The following BTBD2 variants were observed in gnomAD, a reference collection of about 807,000 sequenced individuals.
BTBD2 encodes the protein BTB/POZ domain-containing protein 2.
BTBD2 carries 15 observed loss-of-function variants against 44.0 expected under a neutral mutation model. The ratio of observed to expected loss-of-function variants is 0.34; its 90% CI spans 0.23 to 0.53. BTBD2 has a LOEUF of 0.53. BTBD2 is among the 20% of genes least tolerant of loss of function. The pLI is 0.95. For synonymous variants in BTBD2, 443 were observed against 335.9 expected, an observed-to-expected ratio of 1.32 and a Z score of -3.49; for missense variants, 657 against 746.4, an observed-to-expected ratio of 0.88 and a Z score of 1.39.
intron 2 of BTBD2, among the ~76,000 whole-genome samples, chr19:1,997,123 T>C (rs141762652): frequency 7.9e-4 from 120 of 151,602 alleles, no homozygotes; most frequent in African/African-American, 2.7e-3. Context: ...GAGGTTGCAG[T>C]GAGCCAAGAT....
At chr19:2,001,923 T>C (rs1324704929) in intron 1 of BTBD2, among the ~76,000 whole-genome samples, 10 of 148,078 alleles carry the variant, frequency 6.8e-5, no homozygotes, top group Non-Finnish European at 1.2e-4. Flanking sequence ...ATTTTTTTAG[T>C]AGAGATGGGG....
At chr19:1,990,668 CCGCCG>C in intron 4 of BTBD2, 44 bp downstream of exon 4, 2 of 1,446,602 alleles carry the variant, frequency 1.4e-6, no homozygotes, top group Non-Finnish European at 1.9e-6. Flanking sequence ...CCGGACCCTC[CCGCCG>C]AGGCCCCGCT....
chr19:1,992,937 G>A (rs1323722443), intron 3 of BTBD2, 83 bp downstream of exon 3: 5 of 140,550 alleles, frequency 3.6e-5, no homozygotes, highest in South Asian at 1.6e-4. Context: ...CCCCGCCTCC[G>A]CCTCCAGCCT....
intron 1 of BTBD2, among the ~76,000 whole-genome samples, chr19:1,999,943 C>CA (rs1361006463): frequency 7.9e-6 from 1 of 126,314 alleles, no homozygotes; most frequent in East Asian, 2.2e-4. Context: ...GCTTGGGTGA[C>CA]AGAGCAAGAC....
intron 3 of BTBD2, chr19:1,991,172 G>T (rs905905701): frequency 1.2e-4 from 27 of 222,426 alleles, no homozygotes; most frequent in African/African-American, 6.3e-4. Flanking sequence ...CCGAGTGGCA[G>T]GCAGAGGTGA....
rs554590328 is a variant in BTBD2, at chr19:2,010,012, T to C, written c.407+5285A>G. ...CTACTAAAAAATACAATTAGCCAAG[T>C]GTGGTGGCGGGTGCCTGTAGTCCCA... On this transcript the variant is annotated intron_variant, in intron 1 of 8. Coordinates refer to ENST00000255608, the MANE Select transcript of BTBD2 (RefSeq NM_017797.4). Among the ~76,000 whole-genome samples, 635 of 150,612 alleles carry C rather than the reference T, an allele frequency of 4.2e-3. 4 individuals are homozygous for C. Among genetic ancestry groups the C allele is most frequent in the African/African-American group, 0.015 (599 of 40,798 alleles).
rs575265426 is a variant in BTBD2, at chr19:2,007,451, G to A, written c.407+7846C>T. On this transcript the variant is annotated intron_variant, in intron 1 of 8. Transcript: ENST00000255608. Reference sequence around the variant, plus strand: ...CCTTCACATGAATTTGCTGGCACCTGTGTCTTTTATCTGTTTTGGTTTTGT... The same window carrying A: ...CCTTCACATGAATTTGCTGGCACCTATGTCTTTTATCTGTTTTGGTTTTGT... Among the ~76,000 whole-genome samples, 127 of 152,286 alleles carry A rather than the reference G, an allele frequency of 8.3e-4. 1 individual carries two copies. Among genetic ancestry groups the A allele is most frequent in the South Asian group, 3.1e-3 (15 of 4,834 alleles).
rs1390982604 is a variant in BTBD2 at position 1,986,516 on chromosome 19, T to C, written c.1550A>G (p.Gln517Arg). 1 of 1,613,930 alleles carries C rather than the reference T, an allele frequency of 6.2e-7. No individual in the cohort carries two copies. The highest frequency in any genetic ancestry group is 1.7e-5 in the Admixed American group (1 of 60,010). ...GGTGTAGAAGATGACCTCGGGGATC[T>C]GGCCGTCCTCCACGGATGTGCCATT... is the stretch of plus-strand genomic sequence containing the variant. ...NNNGTSVEDG[Q>R]IPEVIFYT is the part of the protein sequence containing the mutation. The change falls in exon 9 of 9, where the codon CAG becomes CGG. Residue 517 changes from glutamine to arginine, a missense_variant. By Grantham distance (43) the Gln-to-Arg change is conservative (BLOSUM62 1). Coordinates refer to ENST00000255608, the MANE Select transcript of BTBD2 (RefSeq NM_017797.4).
Position 1,985,511 on chromosome 19 carries a change from C to G in BTBD2, c.*977G>C, listed in dbSNP as rs1334609474. The G allele has an allele frequency of 6.6e-6, 1 of 152,616 alleles. No individual in the cohort carries two copies. Among genetic ancestry groups the G allele is most frequent in the Admixed American group, 6.5e-5 (1 of 15,298 alleles). The allele number at this position is 152,616 out of a possible 1,614,324, so 9.5% of individuals were successfully genotyped here. On this transcript the variant is annotated 3_prime_UTR_variant, in exon 9 of 9. Transcript: ENST00000255608. ...GGGGCATGGTCTGAGGAGGACACCC[C>G]TCCCATGGCTTTGGGGAGGACGCAG...
At chr19:1,995,638 C>T (rs1208369255) in intron 2 of BTBD2, among the ~76,000 whole-genome samples, 2 of 134,780 alleles carry the variant, frequency 1.5e-5, no homozygotes, top group Non-Finnish European at 3.1e-5. Flanking sequence ...GGACTTTGAT[C>T]TATTTTTTTT....
At chr19:2,011,250 G>T (rs1296982531) in intron 1 of BTBD2, among the ~76,000 whole-genome samples, 1 of 151,902 alleles carries the variant, frequency 6.6e-6, no homozygotes, top group African/African-American at 2.4e-5. Context: ...CTGGCCACAG[G>T]AACTCGCTTC....
chr19:1,990,198 G>T lies in BTBD2; in HGVS notation c.794C>A (p.Thr265Lys). The T allele has an allele frequency of 6.3e-7, 1 of 1,594,556 alleles. No individual in the cohort carries two copies. ...GTCGCGCTCCAGGACAGCCACCAGC[G>T]TGTCTGTGGGGTGGAGGAAGGGGCT... ...AEGFTDIDLD[T>K]LVAVLERDTL... Residue 265 changes from threonine to lysine, a missense_variant, in exon 5 of 9, where the codon ACG (threonine) becomes AAG (lysine). Thr to Lys is a moderately conservative substitution (Grantham distance 78). This residue lies in a region of BTBD2 where 449 missense variants were observed against 510.9 expected (regional missense o/e 0.88). Coordinates refer to ENST00000255608, the MANE Select transcript of BTBD2 (RefSeq NM_017797.4).
At chr19:2,015,206 C>T in intron 1 of BTBD2, 91 bp downstream of exon 1, 6 of 1,273,460 alleles carry the variant, frequency 4.7e-6, no homozygotes, top group South Asian at 3.2e-5. Flanking sequence ...GCGGGGGTCT[C>T]GGGGACAGAG....
rs367856339 is a variant in BTBD2 at position 1,986,820 on chromosome 19, G to A, written c.1416+10C>T. On this transcript the variant is annotated intron_variant, in intron 8 of 8. Coordinates refer to ENST00000255608, the MANE Select transcript of BTBD2 (RefSeq NM_017797.4). ...CTCCCACGGAGGGACCCCTGTCCCC[G>A]GCGGCGCACCTTGAGCGTGGCACAG... 31 of 1,598,924 alleles carry A rather than the reference G, an allele frequency of 1.9e-5. No homozygotes were observed. The East Asian group carries it at 2.5e-4, about 13-fold the overall frequency.
chr19:1,999,339 G>T (rs881654), intron 1 of BTBD2, among the ~76,000 whole-genome samples: 17,661 of 152,248 alleles, frequency 0.12, 1,341 homozygotes, highest in African/African-American at 0.2. Context: ...CGCCGGGGAA[G>T]GCTGGCCCTA....
At chr19:1,988,791 C>G (rs539516636) in intron 5 of BTBD2, among the ~76,000 whole-genome samples, 5 of 151,830 alleles carry the variant, frequency 3.3e-5, no homozygotes, top group African/African-American at 4.8e-5. Flanking sequence ...TTAGTAGAGA[C>G]GGGGTTTCAC....
intron 1 of BTBD2, among the ~76,000 whole-genome samples, chr19:2,012,144 G>A (rs531426505): frequency 6.8e-5 from 10 of 147,984 alleles, no homozygotes; most frequent in South Asian, 6.4e-4. Flanking sequence ...GTGAGCCACC[G>A]CGCCCAGCCT....
In BTBD2 at chr19:1,987,488, C is replaced by A; in HGVS notation, c.1181+12G>T. On this transcript the variant is annotated intron_variant, in intron 6 of 8. Transcript: ENST00000255608. ...CATGTCCGGACCCCCCCGCCTGCACCCCAAGCCCCACCTGATGCGGTCACT... is the reference window on the plus strand; with the variant it reads ...CATGTCCGGACCCCCCCGCCTGCACACCAAGCCCCACCTGATGCGGTCACT... 1 of 1,552,122 alleles carries A rather than the reference C, an allele frequency of 6.4e-7. No individual in the cohort carries two copies. Among genetic ancestry groups the A allele is most frequent in the Non-Finnish European group, 8.7e-7 (1 of 1,150,844 alleles).
At chr19:1,987,865 CT>C in intron 5 of BTBD2, 173 bp from the exon 6 acceptor site, 1 of 642,612 alleles carries the variant, frequency 1.6e-6, no homozygotes, top group Non-Finnish European at 2.6e-6. Flanking sequence ...GCTGCCTGGG[CT>C]TTTAGGGAGA....
Sources: allele counts gnomAD v4.1 joint callset (sites outside exome capture counted in the v4.1 genomes callset), GRCh38; gene constraint gnomAD v4.1.1; regional missense constraint gnomAD v4.1.1; transcripts MANE v1.5; gene names NCBI Gene and HGNC (gene_info 2026-07-23, HGNC 2026-07-21).